SLC25A21: variants seen among roughly 807,000 people sequenced by gnomAD.
SLC25A21 encodes solute carrier family 25 member 21.
Under a neutral mutation model 43.8 loss-of-function variants are expected in SLC25A21, and 47 were observed. The ratio of observed to expected loss-of-function variants is 1.07; its 90% confidence interval spans 0.85 to 1.37. The LOEUF (loss-of-function observed/expected upper bound fraction) is 1.37, where lower values mean the gene tolerates loss of function less well. SLC25A21 is among the 40% of genes most tolerant of loss of function. SLC25A21 has a pLI of 0.00. For missense variants in SLC25A21, 352 were observed against 350.2 expected, an observed-to-expected ratio of 1.00 and a Z score of -0.04; for synonymous variants, 131 against 121.3, an observed-to-expected ratio of 1.08 and a Z score of -0.52.
chr14:36,715,217 T>G (rs1274455259), intron 6 of SLC25A21, among the ~76,000 whole-genome samples: 1 of 152,198 alleles, frequency 6.6e-6, no homozygotes, highest in Admixed American at 6.5e-5. Context: ...AGAACTCAAT[T>G]GCCTATAAAA....
chr14:37,026,536 C>T (rs1390419262), intron 1 of SLC25A21, among the ~76,000 whole-genome samples: 1 of 151,816 alleles, frequency 6.6e-6, no homozygotes, highest in Non-Finnish European at 1.5e-5. Context: ...TATACCCCAA[C>T]CCAAACCAGC....
intron 1 of SLC25A21, among the ~76,000 whole-genome samples, chr14:37,039,621 A>G (rs1237236510): frequency 6.6e-6 from 1 of 152,170 alleles, no homozygotes; most frequent in Non-Finnish European, 1.5e-5. Flanking sequence ...GTAGTCTTTC[A>G]TTGTATGGAT....
Position 37,090,175 on chromosome 14 carries a change from T to C in SLC25A21, c.70+82106A>G, listed in dbSNP as rs369632164. On this transcript the variant is annotated intron_variant, in intron 1 of 9. Transcript: ENST00000331299. Reference sequence around the variant, plus strand: ...ATGAAAAGCTCCTTCTCAGGCAATATTCTCCTTTAGGGCATCTGGGAAGCT... The same window carrying C: ...ATGAAAAGCTCCTTCTCAGGCAATACTCTCCTTTAGGGCATCTGGGAAGCT... 1.5e-4 allele frequency among the ~76,000 whole-genome samples: 23 copies of C among 152,346 alleles called. No homozygotes were observed. The East Asian group carries it at 3.9e-3, about 26-fold the overall frequency.
chr14:36,680,531 T>C lies in SLC25A21; in HGVS notation c.*127A>G. ...ATAGACATTTTTTAAAGTATTAAAA[T>C]AGATTTTGTTCTTGAACAGTTTTCT... On this transcript the variant is annotated 3_prime_UTR_variant, in exon 10 of 10. Coordinates refer to ENST00000331299, the MANE Select transcript of SLC25A21 (RefSeq NM_030631.4). 1 of 1,367,722 alleles carries C rather than the reference T, an allele frequency of 7.3e-7. No homozygotes were observed. The highest frequency in any genetic ancestry group is 9.5e-7 in the Non-Finnish European group (1 of 1,057,484). 84.7% of individuals were successfully genotyped at this position (1,367,722 alleles called of 1,614,324 possible).
At chr14:36,963,560 T>A (rs56656995) in intron 1 of SLC25A21, among the ~76,000 whole-genome samples, 13,210 of 152,176 alleles carry the variant, frequency 0.087, 1,498 homozygotes, top group African/African-American at 0.26. Context: ...TTATTCCACC[T>A]GGTATTCTGA....
At chr14:37,017,762 C>A (rs1196827172) in intron 1 of SLC25A21, among the ~76,000 whole-genome samples, 1 of 151,544 alleles carries the variant, frequency 6.6e-6, no homozygotes, top group African/African-American at 2.4e-5. Context: ...ACAAAAAAAC[C>A]CAGAATGGCC....
At chr14:36,965,775 A>C (rs1415993589) in intron 1 of SLC25A21, among the ~76,000 whole-genome samples, 1 of 152,202 alleles carries the variant, frequency 6.6e-6, no homozygotes, top group Non-Finnish European at 1.5e-5. Flanking sequence ...AATAAATCAC[A>C]GTCCATAAGA....
chr14:37,019,651 G>T (rs1960940875), intron 1 of SLC25A21, among the ~76,000 whole-genome samples: 1 of 114,594 alleles, frequency 8.7e-6, no homozygotes, highest in Admixed American at 7.6e-5. Flanking sequence ...GAGACAACTG[G>T]TAAAAAAAAA....
chr14:36,703,300 T>C (rs1360050490), intron 7 of SLC25A21, among the ~76,000 whole-genome samples: 5 of 152,172 alleles, frequency 3.3e-5, no homozygotes, highest in Admixed American at 6.5e-5. Flanking sequence ...TAGGGGAGGA[T>C]GTAGCTCTCA....
chr14:36,748,398 G>A (rs1360547186), intron 3 of SLC25A21, among the ~76,000 whole-genome samples: 1 of 152,112 alleles, frequency 6.6e-6, no homozygotes, highest in Non-Finnish European at 1.5e-5. Context: ...AAGTGCCCAA[G>A]TCCTTATTTA....
At chr14:36,777,914 A>G (rs1046251907) in intron 3 of SLC25A21, among the ~76,000 whole-genome samples, 13 of 152,118 alleles carry the variant, frequency 8.5e-5, no homozygotes, top group African/African-American at 3.1e-4. Flanking sequence ...TACTCACTAT[A>G]CTGTCTCCCA....
At chr14:36,852,196 G>C (rs1889761514) in intron 2 of SLC25A21, among the ~76,000 whole-genome samples, 1 of 151,926 alleles carries the variant, frequency 6.6e-6, no homozygotes, top group African/African-American at 2.4e-5. Context: ...CAAGAAAAAG[G>C]CATAGCCAAA....
chr14:36,875,385 T>C (rs1890490937), intron 1 of SLC25A21, among the ~76,000 whole-genome samples: 2 of 152,136 alleles, frequency 1.3e-5, no homozygotes, highest in South Asian at 2.1e-4. Context: ...AGGAGGCTCT[T>C]TGAATCTCTC....
At chr14:36,855,368 G>A (rs1167648816) in intron 2 of SLC25A21, among the ~76,000 whole-genome samples, 1 of 152,130 alleles carries the variant, frequency 6.6e-6, no homozygotes, top group Admixed American at 6.5e-5. Context: ...GCAGCCTCAG[G>A]GGTATCCTGA....
chr14:36,679,287 G>T lies in SLC25A21; in HGVS notation c.*1371C>A. 4 of 978,260 alleles carry T rather than the reference G, an allele frequency of 4.1e-6. No individual in the cohort carries two copies. The highest frequency in any genetic ancestry group is 4.9e-6 in the Non-Finnish European group (4 of 823,548). 60.6% of individuals were successfully genotyped at this position (978,260 alleles called of 1,614,324 possible). A position where few individuals can be genotyped will look rare whatever the true frequency, so the allele number is the denominator to read the frequency against. ...GAAAGGATGTACAACAGAAGGCTAT[G>T]TATGTATATACAGTATGTCAAAAGC... On this transcript the variant is annotated 3_prime_UTR_variant, in exon 10 of 10. Coordinates refer to ENST00000331299, the MANE Select transcript of SLC25A21 (RefSeq NM_030631.4).
chr14:36,789,696 C>T (rs1275729092), intron 3 of SLC25A21, among the ~76,000 whole-genome samples: 1 of 109,278 alleles, frequency 9.2e-6, no homozygotes, highest in Non-Finnish European at 1.9e-5. Flanking sequence ...CACACACACA[C>T]ATATATATTT....
intron 3 of SLC25A21, among the ~76,000 whole-genome samples, chr14:36,762,358 G>A (rs530743440): frequency 1.2e-4 from 19 of 152,256 alleles, no homozygotes; most frequent in East Asian, 3.9e-4. Context: ...AACACTGCCC[G>A]GCAGAGGGGA....
intron 6 of SLC25A21, among the ~76,000 whole-genome samples, chr14:36,721,878 A>G (rs1884387536): frequency 6.6e-6 from 1 of 152,264 alleles, no homozygotes; most frequent in Non-Finnish European, 1.5e-5. Context: ...TACGATGAGC[A>G]TACATTACTT....
chr14:36,705,447 C>T (rs150511368), intron 7 of SLC25A21, among the ~76,000 whole-genome samples: 1 of 152,270 alleles, frequency 6.6e-6, no homozygotes, highest in East Asian at 1.9e-4. Flanking sequence ...GGTTCTGCTA[C>T]ATTTTTCAGT....
Sources: gnomAD v4.1 joint callset for allele counts (sites outside exome capture counted in the v4.1 genomes callset) on GRCh38, gnomAD v4.1.1 for gene constraint, MANE v1.5 for transcripts, NCBI Gene and HGNC (gene_info 2026-07-23, HGNC 2026-07-21) for gene names.